The following SLC44A5 variants were observed in gnomAD, a reference collection of about 807,000 sequenced individuals.
SLC44A5 encodes choline transporter-like protein 5.
In SLC44A5, 57 loss-of-function variants were observed where a neutral mutation model predicts 101.8. That is an observed-to-expected ratio of 0.56 (90% CI 0.45 to 0.70). The LOEUF (loss-of-function observed/expected upper bound fraction) is 0.70, where lower values mean the gene tolerates loss of function less well. SLC44A5 is among the 30% of genes least tolerant of loss of function. SLC44A5 has a pLI of 0.00. For synonymous variants in SLC44A5, 281 were observed against 290.9 expected (o/e 0.97, Z 0.35); for missense variants, 737 against 853.1 (o/e 0.86, Z 1.70).
At chr1:75,593,603 T>A (rs1229417709) in intron 1 of SLC44A5, among the ~76,000 whole-genome samples, 1 of 152,062 alleles carries the variant, frequency 6.6e-6, no homozygotes, top group African/African-American at 2.4e-5. Context: ...CATCAACACA[T>A]GAATAGATAA....
chr1:75,706,991 C>T, the SLC44A5 span, among the ~76,000 whole-genome samples: 31 of 152,136 alleles, frequency 2.0e-4, no homozygotes, highest in Non-Finnish European at 4.0e-4. Flanking sequence ...TTCATGCTTG[C>T]TACCTAGTTT....
the SLC44A5 span, among the ~76,000 whole-genome samples, chr1:75,682,912 A>T: frequency 6.6e-6 from 1 of 152,206 alleles, no homozygotes; most frequent in African/African-American, 2.4e-5. Flanking sequence ...TTAACAAGAA[A>T]AAAACAAACA....
At chr1:75,398,521 C>T (rs879797857) in intron 2 of SLC44A5, 17 of 336,114 alleles carry the variant, frequency 5.1e-5, no homozygotes, top group Non-Finnish European at 7.2e-5. Context: ...ATCATATACC[C>T]CATTTTACAC....
intron 1 of SLC44A5, among the ~76,000 whole-genome samples, chr1:75,600,344 G>A (rs1674897947): frequency 1.3e-5 from 2 of 152,208 alleles, no homozygotes; most frequent in South Asian, 4.1e-4. Context: ...AAAAAGTTGA[G>A]TTAGAACAGT....
intron 6 of SLC44A5, among the ~76,000 whole-genome samples, chr1:75,268,686 T>C (rs1651209856): frequency 6.6e-6 from 1 of 152,206 alleles, no homozygotes; most frequent in Admixed American, 6.6e-5. Flanking sequence ...ATATAGAGTA[T>C]ACAAGTGTAC....
chr1:75,205,010 T>TATC (rs1646726661), intron 23 of SLC44A5: 1 of 152,228 alleles, frequency 6.6e-6, no homozygotes, highest in African/African-American at 2.4e-5. Context: ...AAGTTGTCAT[T>TATC]ATCTGCATTA....
the SLC44A5 span, among the ~76,000 whole-genome samples, chr1:75,676,315 G>C: frequency 6.6e-6 from 1 of 152,152 alleles, no homozygotes. Flanking sequence ...ATCAATGATA[G>C]ACTCAATAAA....
At chr1:75,249,931 A>C (rs1407324726) in intron 7 of SLC44A5, among the ~76,000 whole-genome samples, 1 of 152,118 alleles carries the variant, frequency 6.6e-6, no homozygotes, top group Non-Finnish European at 1.5e-5. Context: ...ACATTGCTCA[A>C]TTCCTTTCTC....
rs1475376380 is a variant in SLC44A5, at chr1:75,318,060, A to G, written c.102-17375T>C. 2.0e-5 allele frequency among the ~76,000 whole-genome samples: 3 copies of G among 152,246 alleles called. No homozygotes were observed. In the East Asian group the frequency reaches 5.8e-4, roughly 29 times the overall value. ...ATACAGTAAACCTCTTTTAAAAGAT[A>G]CAGTTGAAGTTGGTCATTTAAATCT... On this transcript the variant is annotated intron_variant, in intron 4 of 23. Coordinates refer to ENST00000370859, the MANE Select transcript of SLC44A5 (RefSeq NM_001130058.2).
At chr1:75,265,292 G>A (rs1650893459) in intron 6 of SLC44A5, among the ~76,000 whole-genome samples, 1 of 151,886 alleles carries the variant, frequency 6.6e-6, no homozygotes, top group African/African-American at 2.4e-5. Flanking sequence ...ACCAAACAAG[G>A]ACATAAAAAC....
chr1:75,291,548 G>A (rs1016155507), intron 5 of SLC44A5, among the ~76,000 whole-genome samples: 3 of 152,118 alleles, frequency 2.0e-5, no homozygotes, highest in Admixed American at 6.5e-5. Flanking sequence ...ATCACATGAC[G>A]GAGGTCAGGG....
At position 75,558,772 on chromosome 1, in the gene SLC44A5, G is replaced by T. The variant is rs143793826; in HGVS notation, c.-69-17256C>A. 5.3e-5 allele frequency among the ~76,000 whole-genome samples: 8 copies of T among 152,182 alleles called. No individual in the cohort carries two copies. The East Asian group carries it at 1.5e-3, about 29-fold the overall frequency. On this transcript the variant is annotated intron_variant, in intron 1 of 23. Transcript: ENST00000370859. ...GACCTGAGAAAAACATATTTATGTA[G>T]AATTAAACTCATTCAAAGAGAAGGA...
chr1:75,644,054 CA>C, the SLC44A5 span, among the ~76,000 whole-genome samples: 1 of 152,084 alleles, frequency 6.6e-6, no homozygotes, highest in African/African-American at 2.4e-5. Flanking sequence ...TGACTGTGCC[CA>C]TTCACTAGTT....
At chr1:75,368,048 T>C (rs1366916255) in intron 3 of SLC44A5, among the ~76,000 whole-genome samples, 2 of 152,222 alleles carry the variant, frequency 1.3e-5, no homozygotes, top group Admixed American at 6.5e-5. Context: ...ATTTAACAAA[T>C]AGCTAATGAT....
At chr1:75,678,318 C>T in the SLC44A5 span, among the ~76,000 whole-genome samples, 1 of 152,188 alleles carries the variant, frequency 6.6e-6, no homozygotes, top group Non-Finnish European at 1.5e-5. Context: ...AGGGCACAGA[C>T]AAACAAAAAC....
At chr1:75,227,697 T>G in intron 13 of SLC44A5, 29 bp downstream of exon 13, 10 of 1,526,660 alleles carry the variant, frequency 6.6e-6, no homozygotes, top group Non-Finnish European at 8.7e-6. Flanking sequence ...TATTACAATT[T>G]TAATGAAACC....
At chr1:75,292,302 A>T (rs1237011040) in intron 5 of SLC44A5, among the ~76,000 whole-genome samples, 1 of 152,152 alleles carries the variant, frequency 6.6e-6, no homozygotes, top group African/African-American at 2.4e-5. Context: ...TATATGAAGC[A>T]GCTCTCATGG....
At chr1:75,441,540 T>A (rs2101627563) in intron 2 of SLC44A5, among the ~76,000 whole-genome samples, 1 of 151,818 alleles carries the variant, frequency 6.6e-6, no homozygotes, top group South Asian at 2.1e-4. Context: ...AAACAGTATA[T>A]AACTAATTAT....
chr1:75,615,750 G>T, upstream of SLC44A5: 1 of 669,652 alleles, frequency 1.5e-6, no homozygotes, highest in Non-Finnish European at 1.9e-6. Context: ...TCCCCGGCAG[G>T]AGCCTTCCAC....
Sources: gnomAD v4.1 joint callset for allele counts (sites outside exome capture counted in the v4.1 genomes callset) on GRCh38, gnomAD v4.1.1 for gene constraint, MANE v1.5 for transcripts, NCBI Gene and HGNC (gene_info 2026-07-23, HGNC 2026-07-21) for gene names.